Variants in TSPAN11 observed in about 807,000 individuals in gnomAD.
TSPAN11 encodes the protein tetraspanin 11, also known as tetraspanin-11.
TSPAN11 carries 29 observed loss-of-function variants against 32.9 expected under a neutral mutation model. That is an observed-to-expected ratio of 0.88 (90% CI 0.66 to 1.20). TSPAN11 has a LOEUF of 1.20. Ranked by LOEUF, TSPAN11 falls within the 50% of genes most tolerant of loss-of-function variation. The probability of loss-of-function intolerance (pLI) is 0.00; values close to 1 mark genes in which losing one functional copy is unlikely to be tolerated. For synonymous variants in TSPAN11, 140 were observed against 141.3 expected (o/e 0.99, Z 0.07); for missense variants, 283 against 329.1 (o/e 0.86, Z 1.08).
chr12:30,964,410 C>A (rs1378294812), intron 3 of TSPAN11, among the ~76,000 whole-genome samples: 1 of 151,846 alleles, frequency 6.6e-6, no homozygotes, highest in Non-Finnish European at 1.5e-5. Flanking sequence ...CCTACTTCCC[C>A]TTCTCCTCTC....
downstream of TSPAN11, among the ~76,000 whole-genome samples, chr12:31,000,521 AT>A (rs1473314211): frequency 1.3e-5 from 2 of 152,260 alleles, no homozygotes; most frequent in African/African-American, 2.4e-5. Context: ...AATAGGCATT[AT>A]TCTCATTTTG....
intron 7 of TSPAN11, among the ~76,000 whole-genome samples, chr12:30,990,069 G>A (rs1939280277): frequency 6.6e-6 from 1 of 152,192 alleles, no homozygotes; most frequent in South Asian, 2.1e-4. Context: ...GAGGGAGATG[G>A]CAATGCCTAT....
At chr12:30,934,544 C>G (rs1205933191) in intron 1 of TSPAN11, among the ~76,000 whole-genome samples, 1 of 152,092 alleles carries the variant, frequency 6.6e-6, no homozygotes, top group African/African-American at 2.4e-5. Context: ...GGTTTTACAT[C>G]AAGTTTGTCA....
At chr12:30,988,862 T>C (rs1939256577) in intron 7 of TSPAN11, among the ~76,000 whole-genome samples, 2 of 152,348 alleles carry the variant, frequency 1.3e-5, no homozygotes, top group African/African-American at 4.8e-5. Flanking sequence ...CTGCTTCCTC[T>C]GCACCAGCTT....
chr12:30,984,412 A>G (rs1216693028), intron 7 of TSPAN11, among the ~76,000 whole-genome samples: 1 of 152,188 alleles, frequency 6.6e-6, no homozygotes, highest in Non-Finnish European at 1.5e-5. Context: ...TACCTGGCAC[A>G]TAGGAAGGCC....
At chr12:30,953,934 G>C in intron 1 of TSPAN11, 47 bp from the exon 2 acceptor site, 1 of 1,418,454 alleles carries the variant, frequency 7.0e-7, no homozygotes, top group Non-Finnish European at 9.8e-7. Flanking sequence ...GAAGGACAAG[G>C]TGGTTCTCGG....
intron 2 of TSPAN11, among the ~76,000 whole-genome samples, chr12:30,963,147 C>T (rs565292727): frequency 4.3e-4 from 66 of 152,300 alleles, no homozygotes; most frequent in African/African-American, 1.5e-3. Flanking sequence ...CAGTCCCAGG[C>T]GGCTCCAGCC....
intron 3 of TSPAN11, among the ~76,000 whole-genome samples, chr12:30,965,712 G>A (rs888846184): frequency 5.3e-5 from 8 of 152,148 alleles, no homozygotes; most frequent in Non-Finnish European, 1.0e-4. Context: ...CTCAGTCCTC[G>A]CCCTGCCCCA....
intron 1 of TSPAN11, among the ~76,000 whole-genome samples, chr12:30,940,977 C>T (rs935769261): frequency 8.5e-5 from 13 of 152,196 alleles, no homozygotes; most frequent in Admixed American, 8.5e-4. Context: ...AGAGGTGGAA[C>T]AGTTTCATCC....
At position 30,975,658 on chromosome 12, in the gene TSPAN11, A is replaced by C. The variant is rs76285683; in HGVS notation, c.277-2903A>C. 0.05 allele frequency among the ~76,000 whole-genome samples: 7,491 copies of C among 151,258 alleles called. 326 individuals carry two copies. The highest frequency in any genetic ancestry group is 0.23 in the East Asian group (1,170 of 5,096). ...TACCTCCCCATCCTCCCTGTTCCCCACCCCGTCTTCAATAGTAACTGGGGC... is the reference window on the plus strand; with the variant it reads ...TACCTCCCCATCCTCCCTGTTCCCCCCCCCGTCTTCAATAGTAACTGGGGC... On this transcript the variant is annotated intron_variant, in intron 3 of 7. Transcript: ENST00000546076. The surrounding 1 kb of genome is among the most constrained non-coding windows in gnomAD (Gnocchi z 4.5).
In TSPAN11 at chr12:30,982,666, C is replaced by T. The variant is rs142052201; in HGVS notation, c.591C>T (p.His197=). ...TGGTGCGCTGCGGCCAGCGGGCCCA[C>T]CCCTCCAACATCTATAAGGTGGAGG... The part of the protein sequence containing the change: ...TVVVRCGQRA[H]PSNIYKVEGG... The change falls in exon 6 of 8, where the codon CAC becomes CAT. Residue 197 remains histidine, a synonymous_variant. Transcript: ENST00000546076. 1.1e-4 allele frequency: 174 copies of T among 1,595,268 alleles called. No homozygotes were observed. The African/African-American group carries it at 2.2e-3, about 20-fold the overall frequency.
At chr12:30,973,709 CCAT>C (rs1938900544) in intron 3 of TSPAN11, among the ~76,000 whole-genome samples, 1 of 152,124 alleles carries the variant, frequency 6.6e-6, no homozygotes, top group Admixed American at 6.5e-5. Flanking sequence ...AAGCAGGACA[CCAT>C]GAGGTCCTGT....
intron 7 of TSPAN11, among the ~76,000 whole-genome samples, chr12:30,983,477 G>A (rs750450478): frequency 6.6e-6 from 1 of 152,174 alleles, no homozygotes; most frequent in Non-Finnish European, 1.5e-5. Context: ...GCCATCTGTG[G>A]TACGTGTGTC....
chr12:30,982,389 G>A, intron 5 of TSPAN11, 143 bp from the exon 6 acceptor site: 1 of 1,255,186 alleles, frequency 8.0e-7, no homozygotes, highest in South Asian at 1.6e-5. Context: ...CATGGGAAGG[G>A]AAAACACATT....
At chr12:30,971,425 C>T (rs976020245) in intron 3 of TSPAN11, among the ~76,000 whole-genome samples, 2 of 152,114 alleles carry the variant, frequency 1.3e-5, no homozygotes, top group Non-Finnish European at 2.9e-5. Context: ...TCAGCTTGCC[C>T]GCAAGCGATG....
chr12:30,986,202 A>G (rs1447855199), intron 7 of TSPAN11, among the ~76,000 whole-genome samples: 1 of 152,210 alleles, frequency 6.6e-6, no homozygotes. Context: ...TATCAGTCCA[A>G]CATGGTGTCA....
Position 30,964,035 on chromosome 12 carries a change from G to A in TSPAN11, c.276+18G>A, listed in dbSNP as rs566195476. The A allele has an allele frequency of 6.8e-6, 11 of 1,609,432 alleles. No individual in the cohort carries two copies. Among genetic ancestry groups the A allele is most frequent in the African/African-American group, 5.3e-5 (4 of 74,910 alleles). Reference sequence around the variant, plus strand: ...TCTCCACGGTCAGTGCCCGCCCTGTGCTCTGCAGGGATGGGGAGCCCTGCA... The same window carrying A: ...TCTCCACGGTCAGTGCCCGCCCTGTACTCTGCAGGGATGGGGAGCCCTGCA... On this transcript the variant is annotated intron_variant, in intron 3 of 7. Transcript: ENST00000546076.
At chr12:30,931,190 A>G (rs1259475814) in intron 1 of TSPAN11, among the ~76,000 whole-genome samples, 3 of 152,154 alleles carry the variant, frequency 2.0e-5, no homozygotes, top group African/African-American at 7.2e-5. Flanking sequence ...TTGTCAGCCA[A>G]ACTTCAATAT....
At chr12:30,977,326 C>T (rs2140301937) in intron 3 of TSPAN11, among the ~76,000 whole-genome samples, 1 of 151,534 alleles carries the variant, frequency 6.6e-6, no homozygotes, top group East Asian at 1.9e-4. Context: ...CCCCCCTGCC[C>T]ACACTCCTTT....
Sources: allele counts gnomAD v4.1 joint callset (sites outside exome capture counted in the v4.1 genomes callset), GRCh38; gene constraint gnomAD v4.1.1; non-coding constraint Gnocchi (gnomAD v3.1); transcripts MANE v1.5; gene names NCBI Gene and HGNC (gene_info 2026-07-23, HGNC 2026-07-21).